TUBGCP2: variants seen among roughly 807,000 people sequenced by gnomAD.
TUBGCP2 encodes tubulin gamma complex component 2.
A neutral mutation model predicts 92.2 loss-of-function variants in TUBGCP2; 55 were observed. The ratio of observed to expected loss-of-function variants is 0.60; its 90% CI spans 0.48 to 0.75. The LOEUF is 0.75. Ranked by LOEUF, TUBGCP2 falls within the 30% of genes least tolerant of loss-of-function variation. The pLI is 0.00. For missense variants in TUBGCP2, 1,093 were observed against 1,188.9 expected (o/e 0.92, Z 1.19); for synonymous variants, 533 against 505.2 (o/e 1.06, Z -0.74).
intron 17 of TUBGCP2, among the ~76,000 whole-genome samples, chr10:133,280,710 C>T (rs950555046): frequency 1.3e-5 from 2 of 152,210 alleles, no homozygotes; most frequent in African/African-American, 4.8e-5. Flanking sequence ...AAGGAGGCTA[C>T]ACCAGGTGGA....
chr10:133,281,311 G>A lies in TUBGCP2; in HGVS notation c.2535C>T (p.Thr845=). Residue 845 remains threonine (T), a synonymous_variant, in exon 17 of 18, where the codon ACC becomes ACT. Coordinates refer to ENST00000252936, the MANE Select transcript of TUBGCP2 (RefSeq NM_006659.4). ...DLLARLSIYS[T]SDCEHGMASV... Reference sequence around the variant, plus strand: ...TGGCCATGCCGTGCTCACAGTCACTGGTGCTATAGATGCTCAGCCGGGCCA... The same window carrying A: ...TGGCCATGCCGTGCTCACAGTCACTAGTGCTATAGATGCTCAGCCGGGCCA... 1.2e-6 allele frequency: 2 copies of A among 1,613,038 alleles called. No individual in the cohort carries two copies. Among genetic ancestry groups the A allele is most frequent in the Non-Finnish European group, 1.7e-6 (2 of 1,179,972 alleles).
intron 13 of TUBGCP2, among the ~76,000 whole-genome samples, 199 bp from the exon 14 acceptor site, chr10:133,284,201 G>A (rs926235563): frequency 2.0e-5 from 3 of 152,180 alleles, no homozygotes; most frequent in Non-Finnish European, 2.9e-5. Context: ...AGCTGTCACC[G>A]TCTACCAACC....
intron 17 of TUBGCP2, 22 bp downstream of exon 17, chr10:133,281,251 A>G: frequency 1.2e-6 from 2 of 1,606,090 alleles, no homozygotes; most frequent in Non-Finnish European, 1.7e-6. Flanking sequence ...GGAAGGGCTG[A>G]GCCGGGGTGG....
upstream of TUBGCP2, chr10:133,309,626 G>A (rs1276718344): frequency 2.4e-6 from 3 of 1,244,570 alleles, no homozygotes; most frequent in Non-Finnish European, 3.4e-6. Flanking sequence ...CACCTAGCCT[G>A]TTTGTGAAAC....
chr10:133,300,370 G>C (rs956422845), intron 2 of TUBGCP2: 6 of 338,130 alleles, frequency 1.8e-5, no homozygotes, highest in East Asian at 5.7e-5. Context: ...GAGTCCAGGA[G>C]TTCAAGACCA....
In TUBGCP2 at chr10:133,292,654, C is replaced by A. The variant is rs553591364; in HGVS notation, c.1059G>T (p.Gly353=). ...TGTCGTGGAGCAGGCTCAGCGTGGA[C>A]CCCCCAAGACATTCGCCTTTGTCCA... The part of the protein sequence containing the change: ...TSVDKGECLG[G]STLSLLHDRS... The change falls in exon 8 of 18, where the codon GGG becomes GGT. Residue 353 remains glycine, a synonymous_variant. Coordinates refer to ENST00000252936, the MANE Select transcript of TUBGCP2 (RefSeq NM_006659.4). The A allele has an allele frequency of 6.2e-7, 1 of 1,613,962 alleles. No homozygotes were observed. The highest frequency in any genetic ancestry group is 8.5e-7 in the Non-Finnish European group (1 of 1,179,960).
At chr10:133,288,746 G>A in intron 10 of TUBGCP2, 94 bp downstream of exon 10, 2 of 1,372,334 alleles carry the variant, frequency 1.5e-6, no homozygotes, top group South Asian at 2.9e-5. Context: ...AGGCGGAGCT[G>A]CCAGAAGAAA....
chr10:133,279,776 G>C lies in TUBGCP2; in HGVS notation c.2699C>G (p.Thr900Ser). 6.4e-7 allele frequency: 1 copy of C among 1,559,162 alleles called. No individual in the cohort carries two copies. Among genetic ancestry groups the C allele is most frequent in the Non-Finnish European group, 8.7e-7 (1 of 1,151,780 alleles). The change falls in exon 18 of 18, where the codon ACC becomes AGC. Residue 900 changes from threonine (T) to serine (S), a missense_variant. By Grantham distance (58) the Thr-to-Ser change is moderately conservative. Transcript: ENST00000252936. ...PPAPAPRVAV[T>S]AQ ...TGTCACAGCCAGGGCTCACTGTGCG[G>C]TGACTGCGACCCTGGGTGCAGGAGC...
chr10:133,309,724 G>T, upstream of TUBGCP2: 1 of 1,601,406 alleles, frequency 6.2e-7, no homozygotes, highest in East Asian at 2.2e-5. Context: ...AGAAAGTCCA[G>T]CTTGGTTCCT....
intron 9 of TUBGCP2, 32 bp downstream of exon 9, chr10:133,289,792 C>T (rs542153947): frequency 6.8e-5 from 94 of 1,392,560 alleles, no homozygotes; most frequent in Middle Eastern, 6.1e-4. Context: ...AGCTGTGCTG[C>T]GCACCCCAAG....
At chr10:133,283,673 CT>C (rs1564934546) in intron 14 of TUBGCP2, among the ~76,000 whole-genome samples, 1 of 140,162 alleles carries the variant, frequency 7.1e-6, no homozygotes, top group African/African-American at 3.0e-5. Context: ...TCTCCCTGCA[CT>C]CCCTGCCTCT....
rs1188682148 is a variant in TUBGCP2, at chr10:133,285,685, G to A, written c.1723-57C>T. On this transcript the variant is annotated intron_variant, in intron 11 of 17. Transcript: ENST00000252936. The surrounding 1 kb of genome is among the most constrained non-coding windows in gnomAD (Gnocchi z 6.8). ...AGTTTTAAGGAAAAGACCCGAAGTCGCATCCCGATCGCCATCCTCGCTCAC... is the reference window on the plus strand; with the variant it reads ...AGTTTTAAGGAAAAGACCCGAAGTCACATCCCGATCGCCATCCTCGCTCAC... The A allele has an allele frequency of 5.5e-6, 8 of 1,454,110 alleles. No homozygotes were observed. The East Asian group carries it at 1.4e-4, about 26-fold the overall frequency. 90.1% of individuals were successfully genotyped at this position (1,454,110 alleles called of 1,614,324 possible).
upstream of TUBGCP2, chr10:133,310,617 G>T: frequency 2.8e-6 from 1 of 351,978 alleles, no homozygotes; most frequent in Non-Finnish European, 5.4e-6. Flanking sequence ...AGTCGGCCGT[G>T]GTCATCCGCA....
chr10:133,289,793 G>A lies in TUBGCP2; in HGVS notation c.1360+31C>T, dbSNP rs377642698. 397 of 1,612,312 alleles carry A rather than the reference G, an allele frequency of 2.5e-4. 2 individuals are homozygous for A. The Middle Eastern group carries it at 2.8e-3, about 11-fold the overall frequency. On this transcript the variant is annotated intron_variant, in intron 9 of 17. Transcript: ENST00000252936. ...GACTCTCCAGGCAGAGCTGTGCTGCGCACCCCAAGTCCCCGCCCGCTGCGC... is the reference window on the plus strand; with the variant it reads ...GACTCTCCAGGCAGAGCTGTGCTGCACACCCCAAGTCCCCGCCCGCTGCGC...
intron 1 of TUBGCP2, among the ~76,000 whole-genome samples, chr10:133,304,791 A>G (rs1847768628): frequency 6.6e-6 from 1 of 152,216 alleles, no homozygotes; most frequent in African/African-American, 2.4e-5. Context: ...ATCATAACCT[A>G]GGAAAAACCA....
At position 133,308,816 on chromosome 10, in the gene TUBGCP2, G is replaced by T. The variant is rs1847896104; in HGVS notation, c.-40+7C>A. 1.3e-6 allele frequency: 1 copy of T among 768,826 alleles called. No individual in the cohort carries two copies. The highest frequency in any genetic ancestry group is 1.7e-6 in the Non-Finnish European group (1 of 578,132). 47.6% of individuals were successfully genotyped at this position (768,826 alleles called of 1,614,324 possible). On this transcript the variant is annotated splice_region_variant and intron_variant, in intron 1 of 17. Transcript: ENST00000252936. ...CACGCCCGCGCCCGCGTTCGGCCAG[G>T]ACTCACCGCAGTCCCGGAGCCACAG... is the stretch of plus-strand genomic sequence containing the variant.
chr10:133,293,294 G>T, intron 6 of TUBGCP2, 56 bp from the exon 7 acceptor site: 1 of 1,575,186 alleles, frequency 6.3e-7, no homozygotes, highest in African/African-American at 1.3e-5. Flanking sequence ...CACATACAAT[G>T]TCCGATATTC....
chr10:133,305,059 C>G (rs892180433), intron 1 of TUBGCP2, among the ~76,000 whole-genome samples: 3 of 152,054 alleles, frequency 2.0e-5, no homozygotes, highest in Non-Finnish European at 2.9e-5. Flanking sequence ...GACTCTACGC[C>G]TCCAACTCTT....
chr10:133,300,778 A>G (rs1847626591), intron 2 of TUBGCP2, among the ~76,000 whole-genome samples: 1 of 152,136 alleles, frequency 6.6e-6, no homozygotes, highest in African/African-American at 2.4e-5. Context: ...CCGCCCTTTT[A>G]TGCTTCTTCA....
Sources: gnomAD v4.1 joint callset for allele counts (sites outside exome capture counted in the v4.1 genomes callset) on GRCh38, gnomAD v4.1.1 for gene constraint, Gnocchi (gnomAD v3.1) non-coding constraint, MANE v1.5 for transcripts, NCBI Gene and HGNC (gene_info 2026-07-23, HGNC 2026-07-21) for gene names.